ADGRL2: variants seen among roughly 807,000 people sequenced by gnomAD.
ADGRL2 encodes the protein calcium-independent alpha-latrotoxin receptor 2.
ADGRL2 carries 44 observed loss-of-function variants against 157.4 expected under a neutral mutation model. That is an observed-to-expected ratio of 0.28 (90% CI 0.22 to 0.36). ADGRL2 has a LOEUF of 0.36. Ranked by LOEUF, ADGRL2 falls within the 10% of genes least tolerant of loss-of-function variation. The pLI is 1.00. For missense variants in ADGRL2, 1,510 were observed against 1,768.9 expected (o/e 0.85, Z 2.63); for synonymous variants, 585 against 624.7 (o/e 0.94, Z 0.95).
At chr1:81,454,017 C>G (rs1218004298) in intron 2 of ADGRL2, among the ~76,000 whole-genome samples, 1 of 152,104 alleles carries the variant, frequency 6.6e-6, no homozygotes, top group Non-Finnish European at 1.5e-5. Context: ...ACAATCAGTA[C>G]TTATGGACTT....
intron 2 of ADGRL2, among the ~76,000 whole-genome samples, chr1:81,869,783 C>T (rs557281238): frequency 6.6e-6 from 1 of 151,832 alleles, no homozygotes; most frequent in Non-Finnish European, 1.5e-5. Context: ...TTTAGGTAGA[C>T]GTGTTAAGTT....
At chr1:81,323,411 ATTTTT>A (rs138358062) in intron 1 of ADGRL2, among the ~76,000 whole-genome samples, 9 of 109,732 alleles carry the variant, frequency 8.2e-5, no homozygotes, top group Admixed American at 2.1e-4. Context: ...GACTAATTCA[ATTTTT>A]TTTTTTTTTT....
At chr1:81,444,247 G>A (rs1238553212) in intron 1 of ADGRL2, among the ~76,000 whole-genome samples, 1 of 152,148 alleles carries the variant, frequency 6.6e-6, no homozygotes, top group Non-Finnish European at 1.5e-5. Context: ...TATACTTTGG[G>A]AAAGAGCAAT....
intron 3 of ADGRL2, among the ~76,000 whole-genome samples, chr1:81,679,589 T>C (rs751697788): frequency 3.1e-4 from 47 of 152,288 alleles, no homozygotes; most frequent in Non-Finnish European, 6.3e-4. Flanking sequence ...GCACATAGTT[T>C]TAGGAAGCAA....
chr1:81,841,031 T>C (rs1482780434), intron 2 of ADGRL2, among the ~76,000 whole-genome samples: 1 of 152,148 alleles, frequency 6.6e-6, no homozygotes, highest in Non-Finnish European at 1.5e-5. Flanking sequence ...CAAGCATAAG[T>C]TAGACACATG....
At chr1:81,965,260 C>A (rs1483807001) in intron 11 of ADGRL2, among the ~76,000 whole-genome samples, 1 of 152,116 alleles carries the variant, frequency 6.6e-6, no homozygotes, top group Non-Finnish European at 1.5e-5. Flanking sequence ...GTCTCTCTCG[C>A]AAATATTTAA....
intron 3 of ADGRL2, among the ~76,000 whole-genome samples, chr1:81,584,570 G>C (rs746612294): frequency 1.3e-5 from 2 of 151,976 alleles, no homozygotes; most frequent in Non-Finnish European, 2.9e-5. Context: ...AGAATGTTCT[G>C]GTTTTAAAAT....
chr1:81,550,166 A>G (rs1054445132), intron 2 of ADGRL2, among the ~76,000 whole-genome samples: 2 of 152,186 alleles, frequency 1.3e-5, no homozygotes, highest in East Asian at 3.9e-4. Context: ...ATGCCAGTCA[A>G]TGCCTTATAT....
At chr1:81,905,947 A>AGTGTGT (rs3046460) in intron 2 of ADGRL2, among the ~76,000 whole-genome samples, 3,887 of 144,526 alleles carry the variant, frequency 0.027, 57 homozygotes, top group African/African-American at 0.056. Flanking sequence ...AAAAAAGCAG[A>AGTGTGT]GTGTGTGTGT....
At chr1:81,616,674 C>CTTTTCTT (rs1339033054) in intron 3 of ADGRL2, among the ~76,000 whole-genome samples, 1 of 51,888 alleles carries the variant, frequency 1.9e-5, no homozygotes, top group Non-Finnish European at 4.0e-5. Context: ...CTTTTCTTTT[C>CTTTTCTT]TTTTCTTTTT....
At chr1:81,334,688 T>G (rs1292221933) in intron 1 of ADGRL2, among the ~76,000 whole-genome samples, 1 of 152,262 alleles carries the variant, frequency 6.6e-6, no homozygotes, top group Non-Finnish European at 1.5e-5. Context: ...TTTACTATAT[T>G]CTTTCCTTGT....
intron 2 of ADGRL2, among the ~76,000 whole-genome samples, chr1:81,528,365 G>C (rs75856085): frequency 6.6e-6 from 1 of 152,030 alleles, no homozygotes; most frequent in South Asian, 2.1e-4. Flanking sequence ...AAACTGACCC[G>C]GCCCGGCGCG....
At chr1:81,727,072 G>A (rs1286247918) in intron 1 of ADGRL2, among the ~76,000 whole-genome samples, 1 of 152,130 alleles carries the variant, frequency 6.6e-6, no homozygotes, top group Non-Finnish European at 1.5e-5. Context: ...GCACTACAAT[G>A]TTCTCCTTTA....
At chr1:81,786,818 A>T (rs181767010) in intron 2 of ADGRL2, among the ~76,000 whole-genome samples, 1 of 152,210 alleles carries the variant, frequency 6.6e-6, no homozygotes, top group Non-Finnish European at 1.5e-5. Context: ...CATCTATTAA[A>T]CTGTATATTA....
intron 2 of ADGRL2, among the ~76,000 whole-genome samples, chr1:81,848,465 G>A (rs1226336285): frequency 6.6e-6 from 1 of 151,812 alleles, no homozygotes; most frequent in African/African-American, 2.4e-5. Flanking sequence ...TTTTCTTGCT[G>A]TAGAACTTTA....
At chr1:81,600,048 G>T (rs1051507448) in intron 3 of ADGRL2, among the ~76,000 whole-genome samples, 2 of 152,178 alleles carry the variant, frequency 1.3e-5, no homozygotes, top group Non-Finnish European at 2.9e-5. Context: ...GTATTTACAT[G>T]CCTTTTTAGT....
chr1:81,661,901 C>T (rs962769950), intron 3 of ADGRL2, among the ~76,000 whole-genome samples: 4 of 152,260 alleles, frequency 2.6e-5, no homozygotes, highest in African/African-American at 9.6e-5. Context: ...CTCTAACAGT[C>T]TGTATACCAT....
At chr1:81,869,944 T>C (rs1449939916) in intron 2 of ADGRL2, among the ~76,000 whole-genome samples, 1 of 152,048 alleles carries the variant, frequency 6.6e-6, no homozygotes, top group Non-Finnish European at 1.5e-5. Context: ...TTAATGGCTG[T>C]GCATCTTAAA....
intron 3 of ADGRL2, among the ~76,000 whole-genome samples, chr1:81,690,360 G>A (rs1009672767): frequency 6.6e-6 from 1 of 152,144 alleles, no homozygotes; most frequent in African/African-American, 2.4e-5. Context: ...AGGCATGGTG[G>A]TGCATGCCTG....
Sources: allele counts gnomAD v4.1 joint callset (sites outside exome capture counted in the v4.1 genomes callset), GRCh38; gene constraint gnomAD v4.1.1; transcripts MANE v1.5; gene names NCBI Gene and HGNC (gene_info 2026-07-23, HGNC 2026-07-21).